The following KCNN2 variants were observed in gnomAD, a reference collection of about 807,000 sequenced individuals.
The protein encoded by KCNN2 is potassium calcium-activated channel subfamily N member 2.
KCNN2 carries 24 observed loss-of-function variants against 55.5 expected under a neutral mutation model. The observed-to-expected ratio is 0.43, with a 90% confidence interval of 0.31 to 0.61. The LOEUF (loss-of-function observed/expected upper bound fraction) is 0.61, where lower values mean the gene tolerates loss of function less well. Among genes scored for constraint, KCNN2 ranks in the 20% least tolerant of loss-of-function variants. KCNN2 has a pLI of 0.08. For synonymous variants in KCNN2, 431 were observed against 336.1 expected (o/e 1.28, Z -3.09); for missense variants, 754 against 853.6 (o/e 0.88, Z 1.45).
rs1236707548 is a variant in KCNN2 at position 114,090,561 on chromosome 5, C to CTA, written c.-271+34071_-271+34072dup. 1.8e-4 allele frequency among the ~76,000 whole-genome samples: 25 copies of CTA among 138,180 alleles called. No homozygotes were observed. The East Asian group carries it at 1.9e-3, about 10-fold the overall frequency. 90.7% of individuals were successfully genotyped at this position (138,180 alleles called of 152,430 possible). On this transcript the variant is annotated intron_variant, in intron 1 of 10. Transcript: ENST00000512097. ...TTTCTCTCTTCCTCTCTCTCTCTCT[C>CTA]TATATATATATGTATGTATATATAT...
intron 2 of KCNN2, among the ~76,000 whole-genome samples, chr5:114,325,114 A>T (rs1254316005): frequency 6.6e-6 from 1 of 152,192 alleles, no homozygotes; most frequent in East Asian, 1.9e-4. Context: ...CAGATTTTTT[A>T]AATGACGAGG....
chr5:114,384,243 CAT>C (rs1036528456), intron 2 of KCNN2, among the ~76,000 whole-genome samples: 30 of 152,322 alleles, frequency 2.0e-4, no homozygotes, highest in African/African-American at 7.0e-4. Context: ...AGATGAGGAA[CAT>C]AGTTTCCTCC....
At chr5:114,088,654 C>T (rs906347451) in intron 1 of KCNN2, among the ~76,000 whole-genome samples, 3 of 152,142 alleles carry the variant, frequency 2.0e-5, no homozygotes, top group Non-Finnish European at 4.4e-5. Flanking sequence ...GAGTCTCGCT[C>T]TGTCGCCCAG....
chr5:114,099,305 A>C (rs1751327835), intron 1 of KCNN2, among the ~76,000 whole-genome samples: 1 of 152,130 alleles, frequency 6.6e-6, no homozygotes, highest in Non-Finnish European at 1.5e-5. Flanking sequence ...TAGCATTATA[A>C]AAAATCACCA....
chr5:114,373,951 C>T (rs1757857304), intron 2 of KCNN2, among the ~76,000 whole-genome samples: 1 of 151,718 alleles, frequency 6.6e-6, no homozygotes, highest in Non-Finnish European at 1.5e-5. Flanking sequence ...CTATTAAGGA[C>T]AGCCATTTGT....
At chr5:114,158,753 C>T (rs1397766294) in intron 1 of KCNN2, among the ~76,000 whole-genome samples, 38 of 151,510 alleles carry the variant, frequency 2.5e-4, no homozygotes, top group Non-Finnish European at 4.9e-4. Flanking sequence ...GTATTTTATT[C>T]TCTTTGAAGC....
At chr5:114,281,080 G>A (rs1232276832) in intron 2 of KCNN2, among the ~76,000 whole-genome samples, 2 of 152,114 alleles carry the variant, frequency 1.3e-5, no homozygotes, top group African/African-American at 4.8e-5. Flanking sequence ...CCTTAGAGAA[G>A]TATTTTCTGA....
chr5:114,471,233 T>C (rs906490457), intron 4 of KCNN2, among the ~76,000 whole-genome samples: 2 of 152,144 alleles, frequency 1.3e-5, no homozygotes, highest in African/African-American at 4.8e-5. Context: ...AATACCAAAA[T>C]TCACGGATGC....
chr5:114,306,997 A>G (rs1368233684), intron 2 of KCNN2, among the ~76,000 whole-genome samples: 4 of 151,988 alleles, frequency 2.6e-5, no homozygotes, highest in African/African-American at 9.7e-5. Context: ...AGCCACTTTA[A>G]TAAAGGGGCT....
intron 1 of KCNN2, among the ~76,000 whole-genome samples, chr5:114,095,553 G>A (rs1751238095): frequency 6.6e-6 from 1 of 152,158 alleles, no homozygotes; most frequent in Admixed American, 6.5e-5. Context: ...ATTTAACAAG[G>A]TTGCCTGGAG....
At chr5:114,089,154 T>A (rs1751083832) in intron 1 of KCNN2, among the ~76,000 whole-genome samples, 1 of 152,180 alleles carries the variant, frequency 6.6e-6, no homozygotes, top group Non-Finnish European at 1.5e-5. Context: ...GAATGCTAGA[T>A]ACTATAAATG....
At chr5:114,170,190 C>T (rs563491034) in intron 1 of KCNN2, among the ~76,000 whole-genome samples, 25 of 152,132 alleles carry the variant, frequency 1.6e-4, no homozygotes, top group South Asian at 2.1e-4. Flanking sequence ...TGTCCTACTC[C>T]GAAAGCATCA....
chr5:114,316,252 A>T (rs1271404560), intron 2 of KCNN2, among the ~76,000 whole-genome samples: 2 of 152,148 alleles, frequency 1.3e-5, no homozygotes, highest in Non-Finnish European at 2.9e-5. Context: ...TTTTAGTAAT[A>T]ATTTTTCCCA....
intron 3 of KCNN2, among the ~76,000 whole-genome samples, chr5:114,407,416 C>G (rs1371620792): frequency 1.3e-5 from 2 of 151,888 alleles, no homozygotes; most frequent in East Asian, 1.9e-4. Context: ...AATTTTTGAT[C>G]CCTGAATGCC....
At chr5:114,492,408 G>C (rs1279767646) in intron 6 of KCNN2, among the ~76,000 whole-genome samples, 1 of 152,036 alleles carries the variant, frequency 6.6e-6, no homozygotes, top group Non-Finnish European at 1.5e-5. Context: ...CTTTTTGTTT[G>C]TTTTCATTAA....
At chr5:114,259,308 G>T (rs752132636) in intron 2 of KCNN2, among the ~76,000 whole-genome samples, 8 of 152,198 alleles carry the variant, frequency 5.3e-5, no homozygotes, top group Non-Finnish European at 8.8e-5. Flanking sequence ...CCTGGGTCCA[G>T]CCAGCCCTGT....
chr5:114,421,901 G>A (rs982784512), intron 3 of KCNN2, among the ~76,000 whole-genome samples: 23 of 152,212 alleles, frequency 1.5e-4, no homozygotes, highest in African/African-American at 5.1e-4. Flanking sequence ...ACAGGCGTGA[G>A]CCACCACACG....
At chr5:114,407,175 A>G (rs753009283) in intron 3 of KCNN2, among the ~76,000 whole-genome samples, 19 of 151,946 alleles carry the variant, frequency 1.3e-4, no homozygotes, top group Admixed American at 2.6e-4. Context: ...CAATCTCGAA[A>G]TTCATGTCCT....
chr5:114,154,761 C>A (rs1458215235), intron 1 of KCNN2, among the ~76,000 whole-genome samples: 1 of 152,092 alleles, frequency 6.6e-6, no homozygotes, highest in Non-Finnish European at 1.5e-5. Flanking sequence ...ATCTCTAGAC[C>A]ACCCCTCCTT....
Sources: allele counts gnomAD v4.1 joint callset (sites outside exome capture counted in the v4.1 genomes callset), GRCh38; gene constraint gnomAD v4.1.1; transcripts MANE v1.5; gene names NCBI Gene and HGNC (gene_info 2026-07-23, HGNC 2026-07-21).